The following ARPP21 variants were observed in gnomAD, a reference collection of about 807,000 sequenced individuals.
ARPP21 encodes cAMP regulated phosphoprotein 21.
ARPP21 carries 69 observed loss-of-function variants against 113.2 expected under a neutral mutation model. The ratio of observed to expected loss-of-function variants is 0.61; its 90% CI spans 0.50 to 0.74. ARPP21 has a LOEUF of 0.74. ARPP21 is among the 30% of genes least tolerant of loss of function. The probability of loss-of-function intolerance (pLI) is 0.00; values close to 1 mark genes in which losing one functional copy is unlikely to be tolerated. For missense variants in ARPP21, 1,070 were observed against 1,037.4 expected (o/e 1.03, Z -0.43); for synonymous variants, 368 against 375.5 (o/e 0.98, Z 0.23).
At position 35,793,901 on chromosome 3, in the gene ARPP21, T is replaced by C; in HGVS notation, c.2487T>C (p.Ala829=). The C allele has an allele frequency of 6.2e-7, 1 of 1,614,110 alleles. No individual in the cohort carries two copies. Among genetic ancestry groups the C allele is most frequent in the Non-Finnish European group, 8.5e-7 (1 of 1,179,932 alleles). ...CPSSTVPVMS[A]SCRTNCASMS... ...CCAGCACTGTCCCAGTGATGTCAGC[T>C]AGCTGCAGAACAAACTGTGCAAGTA... The change falls in exon 21 of 21, where the codon GCT becomes GCC. Residue 829 remains alanine, a synonymous_variant. Coordinates refer to ENST00000684406, the MANE Select transcript of ARPP21 (RefSeq NM_001385562.1).
chr3:35,781,535 G>A (rs942434835), intron 19 of ARPP21: 1 of 152,134 alleles, frequency 6.6e-6, no homozygotes, highest in Non-Finnish European at 1.5e-5. Flanking sequence ...GTATTTGTGT[G>A]GACAAGTCTG....
In ARPP21 at chr3:35,728,652, T is replaced by A. The variant is rs939358683; in HGVS notation, c.1226-651T>A. ...AAGTCAGTGTCCTGATTCATCTTTG[T>A]CTCCCTGACACTCAATCACATTCTG... On this transcript the variant is annotated intron_variant, in intron 14 of 20. Coordinates refer to ENST00000684406, the MANE Select transcript of ARPP21 (RefSeq NM_001385562.1). 3.9e-5 allele frequency among the ~76,000 whole-genome samples: 6 copies of A among 152,134 alleles called. No homozygotes were observed. In the East Asian group the frequency reaches 1.2e-3, roughly 29 times the overall value.
intron 13 of ARPP21, among the ~76,000 whole-genome samples, chr3:35,718,441 G>A (rs946938471): frequency 3.9e-5 from 6 of 151,972 alleles, no homozygotes; most frequent in Non-Finnish European, 7.4e-5. Flanking sequence ...TTAGTCCTGC[G>A]CTCACACACT....
At chr3:35,644,879 C>G (rs914177101) in intron 1 of ARPP21, among the ~76,000 whole-genome samples, 7 of 151,806 alleles carry the variant, frequency 4.6e-5, no homozygotes, top group African/African-American at 1.7e-4. Flanking sequence ...AAAGAAATGT[C>G]TTTTGGCAGT....
intron 1 of ARPP21, among the ~76,000 whole-genome samples, chr3:35,657,080 C>A (rs1280712999): frequency 1.3e-5 from 2 of 152,010 alleles, no homozygotes; most frequent in African/African-American, 4.8e-5. Context: ...ACCCCTGGTA[C>A]CCTTCCCCTA....
chr3:35,754,786 G>T (rs2151152519), intron 19 of ARPP21, among the ~76,000 whole-genome samples: 1 of 152,002 alleles, frequency 6.6e-6, no homozygotes, highest in African/African-American at 2.4e-5. Context: ...TATTTTATGT[G>T]ATTTTTGGTG....
chr3:35,674,127 A>C (rs1432463645), intron 1 of ARPP21, among the ~76,000 whole-genome samples: 3 of 151,994 alleles, frequency 2.0e-5, no homozygotes, highest in African/African-American at 7.2e-5. Flanking sequence ...TGTAGAATGC[A>C]GAATTTCCAG....
At chr3:35,776,819 G>A (rs2096383840) in intron 19 of ARPP21, among the ~76,000 whole-genome samples, 1 of 152,050 alleles carries the variant, frequency 6.6e-6, no homozygotes, top group Non-Finnish European at 1.5e-5. Flanking sequence ...CCCAGGGATG[G>A]GAGTCTGGGC....
At chr3:35,706,713 C>T (rs758319525) in intron 9 of ARPP21, among the ~76,000 whole-genome samples, 1 of 152,166 alleles carries the variant, frequency 6.6e-6, no homozygotes, top group Non-Finnish European at 1.5e-5. Context: ...TATATACAGG[C>T]AGGCCTTTAA....
chr3:35,693,117 G>A (rs2082730285), intron 9 of ARPP21, among the ~76,000 whole-genome samples: 1 of 151,500 alleles, frequency 6.6e-6, no homozygotes, highest in African/African-American at 2.4e-5. Context: ...TTGAAAGTAA[G>A]TGTGTGCAGA....
rs1243892434 is a variant in ARPP21 at position 35,667,840 on chromosome 3, CAAA to C, written c.-212-11946_-212-11944del. 4.2e-4 allele frequency among the ~76,000 whole-genome samples: 30 copies of C among 70,874 alleles called. No homozygotes were observed. The East Asian group carries it at 7.1e-3, about 17-fold the overall frequency. 46.5% of individuals were successfully genotyped at this position (70,874 alleles called of 152,430 possible). On this transcript the variant is annotated intron_variant, in intron 1 of 20. Coordinates refer to ENST00000684406, the MANE Select transcript of ARPP21 (RefSeq NM_001385562.1). ...AGATCACCTGCAGTACTTTTATTCTCAAAGAAGAAGAAGAAGAAGAAGAAGAAG... is the reference window on the plus strand; with the variant it reads ...AGATCACCTGCAGTACTTTTATTCTCGAAGAAGAAGAAGAAGAAGAAGAAG...
At chr3:35,693,684 GT>G (rs1366183228) in intron 9 of ARPP21, among the ~76,000 whole-genome samples, 3 of 151,586 alleles carry the variant, frequency 2.0e-5, no homozygotes, top group Admixed American at 6.6e-5. Flanking sequence ...AAGTGTCTTG[GT>G]TTTTTTGGTT....
At chr3:35,659,501 G>T (rs1575512122) in intron 1 of ARPP21, among the ~76,000 whole-genome samples, 1 of 152,046 alleles carries the variant, frequency 6.6e-6, no homozygotes, top group African/African-American at 2.4e-5. Flanking sequence ...CATCTTGGCG[G>T]GTCCTAGAGA....
intron 1 of ARPP21, among the ~76,000 whole-genome samples, chr3:35,677,418 G>T (rs2077799224): frequency 6.6e-6 from 1 of 151,740 alleles, no homozygotes; most frequent in Admixed American, 6.6e-5. Context: ...AACCTGAATT[G>T]TTACTGTGTT....
chr3:35,682,620 G>T (rs1458992428), intron 3 of ARPP21: 1 of 443,972 alleles, frequency 2.3e-6, no homozygotes, highest in Non-Finnish European at 4.0e-6. Context: ...TCCAATAGTT[G>T]TTATAAACAG....
At chr3:35,793,563 C>T (rs570865849) in intron 20 of ARPP21, 138 bp from the exon 21 acceptor site, 5 of 649,800 alleles carry the variant, frequency 7.7e-6, no homozygotes, top group South Asian at 3.7e-5. Flanking sequence ...GTGAAACAGC[C>T]GATAAATGGC....
intron 19 of ARPP21, among the ~76,000 whole-genome samples, chr3:35,752,481 AT>A (rs1336323839): frequency 6.6e-6 from 1 of 152,062 alleles, no homozygotes; most frequent in African/African-American, 2.4e-5. Context: ...TAGTTATTCA[AT>A]TCCCTCTAGC....
rs550601297 is a variant in ARPP21, at chr3:35,692,143, T to C, written c.686+1138T>C. On this transcript the variant is annotated intron_variant, in intron 9 of 20. Coordinates refer to ENST00000684406, the MANE Select transcript of ARPP21 (RefSeq NM_001385562.1). Reference sequence around the variant, plus strand: ...ACTTCTGTGGGCTTCAAATTACTTATATATCTGCAGGATAGTTTGAACTGA... The same window carrying C: ...ACTTCTGTGGGCTTCAAATTACTTACATATCTGCAGGATAGTTTGAACTGA... Among the ~76,000 whole-genome samples, 9 of 151,768 alleles carry C rather than the reference T, an allele frequency of 5.9e-5. No individual in the cohort carries two copies. In the South Asian group the frequency reaches 1.2e-3, roughly 21 times the overall value.
At chr3:35,705,961 C>T (rs567663052) in intron 9 of ARPP21, among the ~76,000 whole-genome samples, 6 of 152,178 alleles carry the variant, frequency 3.9e-5, no homozygotes, top group African/African-American at 1.2e-4. Context: ...TTTTGGAGCT[C>T]GGAGCAAATG....
Sources: gnomAD v4.1 joint callset for allele counts (sites outside exome capture counted in the v4.1 genomes callset) on GRCh38, gnomAD v4.1.1 for gene constraint, MANE v1.5 for transcripts, NCBI Gene and HGNC (gene_info 2026-07-23, HGNC 2026-07-21) for gene names.